MED13: variants seen among roughly 807,000 people sequenced by gnomAD.
MED13 encodes the protein mediator complex subunit 13, also known as mediator of RNA polymerase II transcription subunit 13.
Under a neutral mutation model 225.2 loss-of-function variants are expected in MED13, and 23 were observed. That is an observed-to-expected ratio of 0.10 (90% CI 0.07 to 0.14). The LOEUF (loss-of-function observed/expected upper bound fraction) is 0.14, where lower values mean the gene tolerates loss of function less well. Among genes scored for constraint, MED13 ranks in the 10% least tolerant of loss-of-function variants. MED13 has a pLI of 1.00. For synonymous variants in MED13, 942 were observed against 889.2 expected (o/e 1.06, Z -1.06); for missense variants, 2,197 against 2,594.5 (o/e 0.85, Z 3.33).
intron 9 of MED13, among the ~76,000 whole-genome samples, chr17:62,002,086 C>T (rs868267705): frequency 2.0e-5 from 3 of 152,122 alleles, no homozygotes; most frequent in South Asian, 4.1e-4. Context: ...CTAATATAAA[C>T]AAACCAGGCT....
At chr17:62,057,632 G>C (rs957872465) in intron 2 of MED13, among the ~76,000 whole-genome samples, 1 of 152,144 alleles carries the variant, frequency 6.6e-6, no homozygotes, top group Non-Finnish European at 1.5e-5. Context: ...TGTCATTTAA[G>C]GTTAAAGTCC....
At chr17:62,020,013 G>C (rs538830739) in intron 8 of MED13, among the ~76,000 whole-genome samples, 60 of 151,952 alleles carry the variant, frequency 3.9e-4, no homozygotes, top group Non-Finnish European at 7.2e-4. Context: ...CAAAGTGCTG[G>C]GATTACAGGT....
rs2079851482 is a variant in MED13, at chr17:61,946,318, TC to T, written c.*149del. 2.3e-6 allele frequency: 2 copies of T among 882,286 alleles called. No homozygotes were observed. Among genetic ancestry groups the T allele is most frequent in the African/African-American group, 1.7e-5 (1 of 58,932 alleles). The allele number at this position is 882,286 out of a possible 1,614,324, so 54.7% of individuals were successfully genotyped here. The stretch of plus-strand genomic sequence containing the variant: ...TGAAAAATAGCAGGGTTATAGCCCC[TC>T]CCCCCAAGTCAAAACAATATTTGTT... On this transcript the variant is annotated 3_prime_UTR_variant, in exon 30 of 30. Coordinates refer to ENST00000397786, the MANE Select transcript of MED13 (RefSeq NM_005121.3).
At chr17:62,023,711 G>A (rs1414671432) in intron 8 of MED13, among the ~76,000 whole-genome samples, 4 of 149,948 alleles carry the variant, frequency 2.7e-5, no homozygotes, top group African/African-American at 7.5e-5. Context: ...GCTAGAGGCC[G>A]ATTTAACAGA....
intron 16 of MED13, among the ~76,000 whole-genome samples, chr17:61,973,875 C>T (rs1418261985): frequency 2.6e-5 from 4 of 151,888 alleles, no homozygotes; most frequent in Non-Finnish European, 4.4e-5. Flanking sequence ...CCCAGCTACT[C>T]GGGAGGCTAA....
intron 16 of MED13, among the ~76,000 whole-genome samples, chr17:61,977,042 TAAAC>T (rs1177953242): frequency 6.6e-6 from 1 of 152,234 alleles, no homozygotes; most frequent in Admixed American, 6.5e-5. Context: ...TAAAACTAAA[TAAAC>T]AAATCCAAAC....
rs60236710 is a variant in MED13 at position 62,008,016 on chromosome 17, C to CAAAAAAAAAAAA, written c.1967+2522_1967+2533dup. On this transcript the variant is annotated intron_variant, in intron 9 of 29. Coordinates refer to ENST00000397786, the MANE Select transcript of MED13 (RefSeq NM_005121.3). Reference sequence around the variant, plus strand: ...CCTGGAGGAAAGAGCGAGACTGTCTCAAAAAAAAAAAAAAAAAAAAGCTGT... The same window carrying CAAAAAAAAAAAA: ...CCTGGAGGAAAGAGCGAGACTGTCTCAAAAAAAAAAAAAAAAAAAAAAAAAAAAAAAAGCTGT... Among the ~76,000 whole-genome samples the CAAAAAAAAAAAA allele has an allele frequency of 4.1e-3, 207 of 50,468 alleles. 9 individuals are homozygous for CAAAAAAAAAAAA. The highest frequency in any genetic ancestry group is 9.0e-3 in the African/African-American group (132 of 14,680). 33.1% of individuals were successfully genotyped at this position (50,468 alleles called of 152,430 possible).
At chr17:61,972,052 G>A (rs2080114848) in intron 17 of MED13, among the ~76,000 whole-genome samples, 1 of 152,148 alleles carries the variant, frequency 6.6e-6, no homozygotes, top group Non-Finnish European at 1.5e-5. Context: ...AAAAGAGGGA[G>A]AAAAGGAAAA....
chr17:62,019,746 CTTT>C (rs60862205), intron 8 of MED13, among the ~76,000 whole-genome samples: 3 of 142,976 alleles, frequency 2.1e-5, no homozygotes, highest in Admixed American at 7.0e-5. Context: ...TTCTTTTTTT[CTTT>C]TTTTTTTTTT....
At chr17:61,978,451 T>A (rs1000357787) in intron 16 of MED13, among the ~76,000 whole-genome samples, 3 of 152,030 alleles carry the variant, frequency 2.0e-5, no homozygotes, top group Non-Finnish European at 2.9e-5. Context: ...GGGGTTTCAC[T>A]AGGTTGGTCA....
Position 61,961,669 on chromosome 17 carries a change from T to C in MED13, c.5175A>G (p.Pro1725=), listed in dbSNP as rs948646447. 7 of 1,614,144 alleles carry C rather than the reference T, an allele frequency of 4.3e-6. No homozygotes were observed. In the East Asian group the frequency reaches 1.6e-4, roughly 36 times the overall value. Residue 1725 remains proline, a synonymous_variant, in exon 22 of 30, where the codon CCA becomes CCG. Coordinates refer to ENST00000397786, the MANE Select transcript of MED13 (RefSeq NM_005121.3). ...TTTTCACATTGGTTGATGTTGGAAG[T>C]GGCCTCCGACACTGGGTAAAGGCCG... The part of the protein sequence containing the change: ...AFSAFTQCRR[P]LPTSTNVKTL...
intron 9 of MED13, among the ~76,000 whole-genome samples, chr17:62,001,151 T>A (rs186598005): frequency 6.6e-6 from 1 of 152,340 alleles, no homozygotes. Context: ...AGATTTAGCC[T>A]AAAGTGGGTA....
chr17:61,958,822 CCAAT>C (rs757677300), intron 23 of MED13, among the ~76,000 whole-genome samples: 3 of 152,162 alleles, frequency 2.0e-5, no homozygotes, highest in South Asian at 2.1e-4. Flanking sequence ...TCCATTGTGC[CCAAT>C]CAATTTACAT....
chr17:61,983,731 CT>C (rs57772316), intron 15 of MED13, among the ~76,000 whole-genome samples: 18,459 of 138,242 alleles, frequency 0.13, 1,145 homozygotes, highest in East Asian at 0.47. Flanking sequence ...CCCAATTAAC[CT>C]TTTTTTTTTT....
intron 24 of MED13, 36 bp from the exon 25 acceptor site, chr17:61,955,874 A>G (rs778051250): frequency 1.9e-5 from 28 of 1,498,994 alleles, no homozygotes; most frequent in Non-Finnish European, 2.4e-5. Flanking sequence ...AAAAAAAAAA[A>G]AAAAAAATCA....
chr17:62,010,799 T>C lies in MED13; in HGVS notation c.1718A>G (p.Lys573Arg). Residue 573 changes from lysine (K) to arginine (R), a missense_variant, in exon 9 of 30, where the codon AAA (lysine) becomes AGA (arginine). Around this residue, in one of 12 missense-constraint regions of MED13, gnomAD observed 884 missense variants for 918.5 expected, o/e 0.96. Transcript: ENST00000397786. Reference sequence around the variant, plus strand: ...ACTGTCTATCCTATCTTCCATTGGTTTAGAAGGAACCAAGGGATCTGGTGT... The same window carrying C: ...ACTGTCTATCCTATCTTCCATTGGTCTAGAAGGAACCAAGGGATCTGGTGT... The part of the protein sequence containing the change: ...MPTPDPLVPS[K>R]PMEDRIDSLS... The C allele has an allele frequency of 1.9e-6, 3 of 1,614,200 alleles. No homozygotes were observed. Among genetic ancestry groups the C allele is most frequent in the Non-Finnish European group, 2.5e-6 (3 of 1,180,026 alleles).
intron 3 of MED13, among the ~76,000 whole-genome samples, chr17:62,047,543 G>A (rs1484357627): frequency 6.6e-6 from 1 of 152,004 alleles, no homozygotes; most frequent in Non-Finnish European, 1.5e-5. Flanking sequence ...ATCACAGACT[G>A]GGGCCTGTTA....
At position 62,009,480 on chromosome 17, in the gene MED13, C is replaced by T. The variant is rs142194298; in HGVS notation, c.1967+1070G>A. The stretch of plus-strand genomic sequence containing the variant: ...TACACCCAAAACATTTTAAATGATG[C>T]TCAATCTCACTAGAAATCTGGAAGA... On this transcript the variant is annotated intron_variant, in intron 9 of 29. Coordinates refer to ENST00000397786, the MANE Select transcript of MED13 (RefSeq NM_005121.3). Among the ~76,000 whole-genome samples the T allele has an allele frequency of 2.6e-5, 4 of 152,306 alleles. No homozygotes were observed. In the East Asian group the frequency reaches 7.7e-4, roughly 29 times the overall value.
chr17:61,965,045 G>C lies in MED13; in HGVS notation c.4805C>G (p.Ser1602Cys). The change falls in exon 20 of 30, where the codon TCT becomes TGT. Residue 1602 changes from serine (S) to cysteine (C), a missense_variant. Ser to Cys is a moderately radical substitution (Grantham distance 112, BLOSUM62 -1). This residue lies in a region of MED13 where 457 missense variants were observed against 442.2 expected (regional missense o/e 1.03). Coordinates refer to ENST00000397786, the MANE Select transcript of MED13 (RefSeq NM_005121.3). ...LQTAGISGES[S>C]SLPTQPHPDV... is the part of the protein sequence containing the mutation. ...AGGATGCGGCTGAGTGGGAAGTGAA[G>C]ATGATTCTCCAGAAATCCCAGCTGT... 6.2e-7 allele frequency: 1 copy of C among 1,614,088 alleles called. No individual in the cohort carries two copies. The highest frequency in any genetic ancestry group is 1.1e-5 in the South Asian group (1 of 91,086).
Sources: gnomAD v4.1 joint callset for allele counts (sites outside exome capture counted in the v4.1 genomes callset) on GRCh38, gnomAD v4.1.1 for gene constraint, gnomAD v4.1.1 regional missense constraint, MANE v1.5 for transcripts, NCBI Gene and HGNC (gene_info 2026-07-23, HGNC 2026-07-21) for gene names.